The following ARHGEF9 variants were observed in gnomAD, a reference collection of about 807,000 sequenced individuals.
The protein encoded by ARHGEF9 is Cdc42 guanine nucleotide exchange factor 9.
ARHGEF9 carries 2 observed loss-of-function variants against 41.3 expected under a neutral mutation model. That is an observed-to-expected ratio of 0.05 (90% CI 0.02 to 0.15). ARHGEF9 has a LOEUF of 0.15. ARHGEF9 is among the 10% of genes least tolerant of loss of function. ARHGEF9 has a pLI of 1.00. For synonymous variants in ARHGEF9, 160 were observed against 154.4 expected, an observed-to-expected ratio of 1.04 and a Z score of -0.27; for missense variants, 225 against 424.7, an observed-to-expected ratio of 0.53 and a Z score of 4.13.
intron 4 of ARHGEF9, among the ~76,000 whole-genome samples, chrX:63,688,150 T>C (rs1268694393): frequency 9.0e-6 from 1 of 110,947 alleles, no homozygotes; most frequent in East Asian, 2.8e-4. Context: ...GAGTTTCAAT[T>C]CCTGTGGTAA....
chrX:63,782,325 C>T (rs782533371), intron 1 of ARHGEF9, among the ~76,000 whole-genome samples: 6 of 111,753 alleles, frequency 5.4e-5, no homozygotes, highest in East Asian at 2.8e-4. Context: ...AAAGTAGGTT[C>T]GACAATTGGT....
chrX:63,763,502 C>A, intron 1 of ARHGEF9, among the ~76,000 whole-genome samples: 1 of 91,692 alleles, frequency 1.1e-5, no homozygotes, highest in Admixed American at 1.3e-4. Context: ...CTAGGAAGAT[C>A]CTAAGAGTTA....
intron 6 of ARHGEF9, among the ~76,000 whole-genome samples, chrX:63,668,598 C>A (rs2049732673): frequency 8.9e-6 from 1 of 111,909 alleles, no homozygotes. Context: ...AATAACAGTA[C>A]CAACTTCATT....
At chrX:63,673,830 G>T (rs1556358546) in intron 6 of ARHGEF9, among the ~76,000 whole-genome samples, 1 of 111,435 alleles carries the variant, frequency 9.0e-6, no homozygotes, top group Non-Finnish European at 1.9e-5. Flanking sequence ...TCTTAATGAG[G>T]TATCATCACA....
intron 1 of ARHGEF9, among the ~76,000 whole-genome samples, chrX:63,752,244 T>C (rs2147779587): frequency 1.6e-5 from 1 of 63,648 alleles, no homozygotes; most frequent in South Asian, 1.2e-3. Context: ...AATCATAAAA[T>C]GCAAGAACTT....
intron 4 of ARHGEF9, among the ~76,000 whole-genome samples, chrX:63,679,010 G>C (rs1157431984): frequency 3.6e-5 from 4 of 111,869 alleles, no homozygotes; most frequent in African/African-American, 9.8e-5. Flanking sequence ...TCTGTTTGAA[G>C]GAATCACACA....
At chrX:63,714,723 A>G (rs1248261727) in intron 2 of ARHGEF9, among the ~76,000 whole-genome samples, 1 of 112,007 alleles carries the variant, frequency 8.9e-6, no homozygotes, top group Non-Finnish European at 1.9e-5. Context: ...TGCATGTAAA[A>G]CAGTTTCTAG....
intron 8 of ARHGEF9, among the ~76,000 whole-genome samples, chrX:63,649,617 C>T (rs2048393195): frequency 9.0e-6 from 1 of 111,268 alleles, no homozygotes. Context: ...AATAGAGACA[C>T]AAAAAACCCT....
chrX:63,679,045 TA>T (rs1556366123), intron 4 of ARHGEF9, among the ~76,000 whole-genome samples: 2 of 111,982 alleles, frequency 1.8e-5, no homozygotes, highest in African/African-American at 6.5e-5. Flanking sequence ...ATTATCTCCA[TA>T]AAATGTCCCT....
chrX:63,643,329 C>T (rs1487717302), intron 9 of ARHGEF9, among the ~76,000 whole-genome samples: 6 of 109,406 alleles, frequency 5.5e-5, no homozygotes, highest in African/African-American at 1.7e-4. Context: ...GCCTCCAGAC[C>T]GGTGACAGAA....
intron 1 of ARHGEF9, among the ~76,000 whole-genome samples, chrX:63,744,361 A>G (rs1295938184): frequency 2.0e-4 from 23 of 112,472 alleles, no homozygotes; most frequent in Non-Finnish European, 7.5e-5. Context: ...TAATTCCAGC[A>G]CTACTACAGA....
At chrX:63,667,908 G>T (rs1780483331) in intron 6 of ARHGEF9, among the ~76,000 whole-genome samples, 1 of 111,091 alleles carries the variant, frequency 9.0e-6, no homozygotes, top group Admixed American at 9.5e-5. Context: ...GGGATGGGAA[G>T]CTGAGAGAGG....
At chrX:63,778,556 C>A (rs782408575) in intron 1 of ARHGEF9, among the ~76,000 whole-genome samples, 1 of 112,602 alleles carries the variant, frequency 8.9e-6, no homozygotes, top group Admixed American at 9.4e-5. Flanking sequence ...TTTTCTATTG[C>A]ATGGCCAGGG....
intron 4 of ARHGEF9, among the ~76,000 whole-genome samples, chrX:63,683,570 G>T (rs1300058258): frequency 9.0e-6 from 1 of 111,415 alleles, no homozygotes; most frequent in East Asian, 2.8e-4. Context: ...AAATAAATCT[G>T]GAGGCATCAC....
chrX:63,754,640 G>A (rs2055853626), intron 1 of ARHGEF9: 19 of 1,012,311 alleles, frequency 1.9e-5, no homozygotes, highest in African/African-American at 5.9e-5. Flanking sequence ...GGAGATGTCA[G>A]TCTCTGTTCT....
intron 1 of ARHGEF9, among the ~76,000 whole-genome samples, chrX:63,773,979 C>A (rs1445113263): frequency 9.1e-6 from 1 of 110,375 alleles, no homozygotes; most frequent in Non-Finnish European, 1.9e-5. Context: ...TCTCCTGGGA[C>A]TTGAGCTTGC....
intron 4 of ARHGEF9, among the ~76,000 whole-genome samples, chrX:63,681,489 T>C (rs1556369300): frequency 9.0e-6 from 1 of 110,791 alleles, no homozygotes; most frequent in African/African-American, 3.3e-5. Flanking sequence ...AAACAACATA[T>C]CCCTGAATAA....
At chrX:63,666,282 C>G (rs2049539804) in intron 6 of ARHGEF9, among the ~76,000 whole-genome samples, 3 of 106,881 alleles carry the variant, frequency 2.8e-5, no homozygotes, top group Admixed American at 1.0e-4. Flanking sequence ...CAGTTACCCT[C>G]TGGTCCTATA....
At chrX:63,757,357 G>T (rs1444884704) in intron 1 of ARHGEF9, among the ~76,000 whole-genome samples, 2 of 111,471 alleles carry the variant, frequency 1.8e-5, no homozygotes, top group African/African-American at 3.3e-5. Context: ...CTGGACCCCA[G>T]AATGAAAGTT....
Sources: allele counts gnomAD v4.1 joint callset (sites outside exome capture counted in the v4.1 genomes callset), GRCh38; gene constraint gnomAD v4.1.1; transcripts MANE v1.5; gene names NCBI Gene and HGNC (gene_info 2026-07-23, HGNC 2026-07-21).